Variants in PTPRK observed in about 807,000 individuals in gnomAD.
PTPRK encodes receptor-type tyrosine-protein phosphatase kappa.
PTPRK carries 75 observed loss-of-function variants against 178.0 expected under a neutral mutation model. The observed-to-expected ratio is 0.42, with a 90% CI of 0.35 to 0.51. The LOEUF is 0.51. PTPRK is among the 20% of genes least tolerant of loss of function. PTPRK has a pLI of 0.02. For missense variants in PTPRK, 1,441 were observed against 1,797.8 expected, an observed-to-expected ratio of 0.80 and a Z score of 3.59; for synonymous variants, 637 against 620.6, an observed-to-expected ratio of 1.03 and a Z score of -0.39.
At chr6:128,116,357 AT>A (rs967080183) in intron 7 of PTPRK, among the ~76,000 whole-genome samples, 5 of 151,104 alleles carry the variant, frequency 3.3e-5, no homozygotes, top group African/African-American at 1.2e-4. Context: ...TATTTGAAAT[AT>A]CAGGCCATTT....
At chr6:128,391,985 T>C (rs368649004) in intron 2 of PTPRK, among the ~76,000 whole-genome samples, 4 of 152,096 alleles carry the variant, frequency 2.6e-5, no homozygotes, top group East Asian at 3.9e-4. Context: ...AGGTACAAAA[T>C]CATGTGACCC....
intron 1 of PTPRK, among the ~76,000 whole-genome samples, chr6:128,474,503 T>C (rs1851126884): frequency 6.6e-6 from 1 of 151,804 alleles, no homozygotes; most frequent in Non-Finnish European, 1.5e-5. Context: ...TGGCAAGGAG[T>C]TGGCAACATA....
intron 1 of PTPRK, among the ~76,000 whole-genome samples, chr6:128,441,396 AC>A (rs1846262857): frequency 6.6e-6 from 1 of 152,140 alleles, no homozygotes; most frequent in Admixed American, 6.5e-5. Context: ...AAAGTAAGCA[AC>A]AAAGAGATAG....
Position 128,069,812 on chromosome 6 carries a change from T to C in PTPRK, c.1884-2020A>G, listed in dbSNP as rs530660446. ...TTCTACATTACAAATTAAGGATACT[T>C]CATGCAAGACAGCTTGTCTATCTAG... On this transcript the variant is annotated intron_variant, in intron 11 of 29. Coordinates refer to ENST00000368226, the MANE Select transcript of PTPRK (RefSeq NM_002844.4). Among the ~76,000 whole-genome samples the C allele has an allele frequency of 5.3e-5, 8 of 152,230 alleles. No homozygotes were observed. In the South Asian group the frequency reaches 1.7e-3, roughly 32 times the overall value.
At chr6:128,325,549 G>A (rs191066133) in intron 2 of PTPRK, among the ~76,000 whole-genome samples, 4 of 151,812 alleles carry the variant, frequency 2.6e-5, no homozygotes, top group Non-Finnish European at 4.4e-5. Flanking sequence ...ACATTTATGC[G>A]GCCAACAAAC....
At chr6:128,443,298 G>C (rs932536816) in intron 1 of PTPRK, among the ~76,000 whole-genome samples, 5 of 152,048 alleles carry the variant, frequency 3.3e-5, no homozygotes, top group African/African-American at 1.2e-4. Context: ...GGTACCTGGA[G>C]GAGGGAGACG....
At chr6:128,223,192 ATCTT>A (rs1810719630) in intron 5 of PTPRK, among the ~76,000 whole-genome samples, 1 of 151,972 alleles carries the variant, frequency 6.6e-6, no homozygotes, top group Admixed American at 6.6e-5. Context: ...AATATATATT[ATCTT>A]TATTTAGCGG....
chr6:128,150,621 C>T (rs77392206), intron 7 of PTPRK, among the ~76,000 whole-genome samples: 1,581 of 152,198 alleles, frequency 0.01, 28 homozygotes, highest in African/African-American at 0.037. Flanking sequence ...GCTATTCATG[C>T]TTTGAAAATG....
Position 128,064,792 on chromosome 6 carries a change from T to C in PTPRK, c.2160A>G (p.Glu720=). Residue 720 remains glutamate, a splice_region_variant and synonymous_variant, in exon 13 of 30, where the codon GAA becomes GAG. Coordinates refer to ENST00000368226, the MANE Select transcript of PTPRK (RefSeq NM_002844.4). ...YFQAMSSVEK[E]TKTQCVRIAT... is the part of the protein sequence containing the mutation. ...CAATGCGTACGCACTGGGTTTTAGT[T>C]TCCTGATAGAGTAAAAATGAAAAAA... 1 of 1,581,398 alleles carries C rather than the reference T, an allele frequency of 6.3e-7. No homozygotes were observed. Among genetic ancestry groups the C allele is most frequent in the Non-Finnish European group, 8.5e-7 (1 of 1,170,948 alleles).
At chr6:128,295,196 T>G (rs1221269353) in intron 3 of PTPRK, among the ~76,000 whole-genome samples, 1 of 152,080 alleles carries the variant, frequency 6.6e-6, no homozygotes, top group Non-Finnish European at 1.5e-5. Flanking sequence ...TTAAAATAAT[T>G]TTAACAGGTC....
At chr6:128,440,625 A>G (rs1323202895) in intron 1 of PTPRK, among the ~76,000 whole-genome samples, 1 of 152,168 alleles carries the variant, frequency 6.6e-6, no homozygotes, top group Non-Finnish European at 1.5e-5. Flanking sequence ...ATATACAATC[A>G]AGAAGAAATA....
At chr6:128,335,200 T>G (rs1045215213) in intron 2 of PTPRK, among the ~76,000 whole-genome samples, 3 of 152,148 alleles carry the variant, frequency 2.0e-5, no homozygotes, top group Non-Finnish European at 4.4e-5. Context: ...CTCTCTACCA[T>G]CTTACTGATG....
intron 7 of PTPRK, among the ~76,000 whole-genome samples, chr6:128,126,183 C>T (rs1382036430): frequency 6.6e-6 from 1 of 151,988 alleles, no homozygotes; most frequent in Non-Finnish European, 1.5e-5. Flanking sequence ...GCCCCGCATG[C>T]ATTAGGTATT....
At chr6:128,198,404 C>G (rs1805302770) in intron 6 of PTPRK, among the ~76,000 whole-genome samples, 1 of 151,970 alleles carries the variant, frequency 6.6e-6, no homozygotes, top group African/African-American at 2.4e-5. Flanking sequence ...TAAAATCATC[C>G]CACCTTGAGT....
At chr6:128,510,413 C>T (rs1052802901) in intron 1 of PTPRK, among the ~76,000 whole-genome samples, 1 of 152,208 alleles carries the variant, frequency 6.6e-6, no homozygotes, top group Non-Finnish European at 1.5e-5. Context: ...CTTATAGCAA[C>T]TCTTCCTAAT....
At chr6:128,276,163 A>G (rs1295304222) in intron 3 of PTPRK, among the ~76,000 whole-genome samples, 2 of 152,098 alleles carry the variant, frequency 1.3e-5, no homozygotes, top group African/African-American at 2.4e-5. Context: ...CAACAAGAGC[A>G]TAAGATTCTA....
At chr6:128,000,692 T>C (rs1271811944) in intron 15 of PTPRK, among the ~76,000 whole-genome samples, 1 of 151,926 alleles carries the variant, frequency 6.6e-6, no homozygotes, top group African/African-American at 2.4e-5. Flanking sequence ...CCCAGAAAAA[T>C]TAAATTCAGA....
rs576967172 is a variant in PTPRK at position 128,216,553 on chromosome 6, A to T, written c.868+2369T>A. The stretch of plus-strand genomic sequence containing the variant: ...CTGTCTCAGAAAAATAAAAAAAAAA[A>T]AAAAAGGTCAAAATTTTCAATGAAA... On this transcript the variant is annotated intron_variant, in intron 6 of 29. Coordinates refer to ENST00000368226, the MANE Select transcript of PTPRK (RefSeq NM_002844.4). Among the ~76,000 whole-genome samples, 289 of 152,016 alleles carry T rather than the reference A, an allele frequency of 1.9e-3. 3 individuals are homozygous for T. The highest frequency in any genetic ancestry group is 7.5e-3 in the South Asian group (36 of 4,820).
intron 1 of PTPRK, among the ~76,000 whole-genome samples, chr6:128,445,510 T>A (rs2128402666): frequency 6.7e-6 from 1 of 150,270 alleles, no homozygotes; most frequent in African/African-American, 2.4e-5. Context: ...ATATATATGC[T>A]TACATATAAA....
Sources: allele counts gnomAD v4.1 joint callset (sites outside exome capture counted in the v4.1 genomes callset), GRCh38; gene constraint gnomAD v4.1.1; transcripts MANE v1.5; gene names NCBI Gene and HGNC (gene_info 2026-07-23, HGNC 2026-07-21).